Variants in DSEL observed in about 807,000 individuals in gnomAD.
The protein encoded by DSEL is dermatan sulfate epimerase like, also known as dermatan-sulfate epimerase-like protein.
DSEL carries 61 observed loss-of-function variants against 96.6 expected under a neutral mutation model. The observed-to-expected ratio is 0.63, with a 90% CI of 0.51 to 0.78. DSEL has a LOEUF of 0.78. DSEL is among the 30% of genes least tolerant of loss of function. The pLI is 0.00. For missense variants in DSEL, 1,320 were observed against 1,430.8 expected, an observed-to-expected ratio of 0.92 and a Z score of 1.25; for synonymous variants, 514 against 502.0, an observed-to-expected ratio of 1.02 and a Z score of -0.32.
At position 67,514,261 on chromosome 18, in the gene DSEL, C is replaced by G; in HGVS notation, c.348G>C (p.Lys116Asn). Reference protein sequence around the residue: ...PPPKHADFAAKWNEIYGNNLP... With the variant: ...PPPKHADFAANWNEIYGNNLP... ...GATTGTTACCATAAATTTCATTCCA[C>G]TTGGCAGCAAAATCAGCATGCTTTG... Residue 116 changes from lysine (K) to asparagine (N), a missense_variant, in exon 2 of 2, where the codon AAG becomes AAC. By Grantham distance (94) the Lys-to-Asn change is moderately conservative (BLOSUM62 0). Around this residue, in one of 3 missense-constraint regions of DSEL, gnomAD observed 323 missense variants for 333.1 expected, o/e 0.97. Coordinates refer to ENST00000310045, the MANE Select transcript of DSEL (RefSeq NM_032160.3). 1 of 1,614,180 alleles carries G rather than the reference C, an allele frequency of 6.2e-7. No individual in the cohort carries two copies. The highest frequency in any genetic ancestry group is 8.5e-7 in the Non-Finnish European group (1 of 1,180,018).
Position 67,514,234 on chromosome 18 carries a change from C to A in DSEL, c.375G>T (p.Leu125=), listed in dbSNP as rs764847177. 6.2e-7 allele frequency: 1 copy of A among 1,614,140 alleles called. No homozygotes were observed. The highest frequency in any genetic ancestry group is 1.1e-5 in the South Asian group (1 of 91,074). ...AKWNEIYGNN[L]PPLALYCLLC... Reference sequence around the variant, plus strand: ...ACAAACAGTACAATGCTAAAGGAGGCAGATTGTTACCATAAATTTCATTCC... The same window carrying A: ...ACAAACAGTACAATGCTAAAGGAGGAAGATTGTTACCATAAATTTCATTCC... Residue 125 remains leucine (L), a synonymous_variant, in exon 2 of 2, where the codon CTG becomes CTT. Transcript: ENST00000310045.
Position 67,512,629 on chromosome 18 carries a change from T to C in DSEL, c.1980A>G (p.Arg660=). ...EAEQAAEFKK[R]WTQFVNVTFQ... ...AAGTAACATTAACAAATTGAGTCCA[T>C]CGTTTTTTAAATTCAGCAGCTTGCT... The change falls in exon 2 of 2, where the codon CGA becomes CGG. Residue 660 remains arginine (R), a synonymous_variant. Transcript: ENST00000310045. The C allele has an allele frequency of 6.2e-7, 1 of 1,614,140 alleles. No homozygotes were observed. The highest frequency in any genetic ancestry group is 8.5e-7 in the Non-Finnish European group (1 of 1,180,020).
chr18:67,509,973 A>G lies in DSEL; in HGVS notation c.*997T>C, dbSNP rs1026914657. On this transcript the variant is annotated 3_prime_UTR_variant, in exon 2 of 2. Coordinates refer to ENST00000310045, the MANE Select transcript of DSEL (RefSeq NM_032160.3). The stretch of plus-strand genomic sequence containing the variant: ...GCAAGATAAGTCAGGCAGTTTTCCA[A>G]TTCTGTTTCCAGTTTAAAAAGACAC... The G allele has an allele frequency of 3.3e-5, 5 of 152,534 alleles. No individual in the cohort carries two copies. The highest frequency in any genetic ancestry group is 1.5e-5 in the Non-Finnish European group (1 of 68,038). 9.4% of individuals were successfully genotyped at this position (152,534 alleles called of 1,614,324 possible).
Position 67,514,354 on chromosome 18 carries a change from A to G in DSEL, c.255T>C (p.His85=), listed in dbSNP as rs780409668. The change falls in exon 2 of 2, where the codon CAT becomes CAC. Residue 85 remains histidine (H), a synonymous_variant. Coordinates refer to ENST00000310045, the MANE Select transcript of DSEL (RefSeq NM_032160.3). ...MRQKSRASHL[H]LFRAIRSAVT... ...CTGCACTTCTGATAGCTCTAAAAAG[A>G]TGCAAATGGCTTGCACGAGACTTTT... 1 of 1,614,212 alleles carries G rather than the reference A, an allele frequency of 6.2e-7. No individual in the cohort carries two copies. Among genetic ancestry groups the G allele is most frequent in the Non-Finnish European group, 8.5e-7 (1 of 1,180,028 alleles).
Position 67,510,272 on chromosome 18 carries a change from C to G in DSEL, c.*698G>C, listed in dbSNP as rs997566235. 2 of 152,096 alleles carry G rather than the reference C, an allele frequency of 1.3e-5. No individual in the cohort carries two copies. Among genetic ancestry groups the G allele is most frequent in the Non-Finnish European group, 2.9e-5 (2 of 68,024 alleles). The allele number at this position is 152,096 out of a possible 1,614,324, so 9.4% of individuals were successfully genotyped here. A position where few individuals can be genotyped will look rare whatever the true frequency, so the allele number is the denominator to read the frequency against. ...GACAATCATGTCTAAAATAATCTACCAGCCCTTGCCACCCAGATTGTTCAA... is the reference window on the plus strand; with the variant it reads ...GACAATCATGTCTAAAATAATCTACGAGCCCTTGCCACCCAGATTGTTCAA... On this transcript the variant is annotated 3_prime_UTR_variant, in exon 2 of 2. Transcript: ENST00000310045.
rs1302096787 is a variant in DSEL at position 67,511,893 on chromosome 18, A to G, written c.2716T>C (p.Trp906Arg). ...EIDSFVDACE[W>R]KVSDIRSGHF... ...CCACTGCGGATATCTGACACCTTCC[A>G]TTCACAAGCATCTACAAATGAGTCG... Residue 906 changes from tryptophan to arginine, a missense_variant, in exon 2 of 2, where the codon TGG (tryptophan) becomes CGG (arginine). Physicochemically the swap from Trp to Arg is moderately radical, Grantham distance 101 (BLOSUM62 -3). This residue lies in a region of DSEL where 986 missense variants were observed against 1,066.4 expected (regional missense o/e 0.92). Coordinates refer to ENST00000310045, the MANE Select transcript of DSEL (RefSeq NM_032160.3). The G allele has an allele frequency of 6.2e-7, 1 of 1,614,208 alleles. No homozygotes were observed. The highest frequency in any genetic ancestry group is 1.1e-5 in the South Asian group (1 of 91,086).
rs529129342 is a variant in DSEL, at chr18:67,512,381, C to G, written c.2228G>C (p.Gly743Ala). ...GCCCAAACCAAATCGGGTTATTTGG[C>G]CTTGATCAGCCACACTGGCAAAGCC... Reference protein sequence around the residue: ...FGGFASVADQGQITRFGLGTQ... With the variant: ...FGGFASVADQAQITRFGLGTQ... The change falls in exon 2 of 2, where the codon GGC (glycine) becomes GCC (alanine). Residue 743 changes from glycine (G) to alanine (A), a missense_variant. Coordinates refer to ENST00000310045, the MANE Select transcript of DSEL (RefSeq NM_032160.3). The G allele has an allele frequency of 6.2e-7, 1 of 1,614,184 alleles. No homozygotes were observed. Among genetic ancestry groups the G allele is most frequent in the East Asian group, 2.2e-5 (1 of 44,878 alleles).
rs549764717 is a variant in DSEL, at chr18:67,514,661, T to C, written c.-53A>G. The C allele has an allele frequency of 6.3e-7, 1 of 1,589,218 alleles. No homozygotes were observed. The highest frequency in any genetic ancestry group is 8.6e-7 in the Non-Finnish European group (1 of 1,166,222). On this transcript the variant is annotated 5_prime_UTR_variant, in exon 2 of 2. Coordinates refer to ENST00000310045, the MANE Select transcript of DSEL (RefSeq NM_032160.3). ...CATACATGTCAGATATGATGCTCAA[T>C]GTGTTTCCCATCTGGTTAGTATAAA...
rs753886265 is a variant in DSEL, at chr18:67,514,229, G to A, written c.380C>T (p.Pro127Leu). The change falls in exon 2 of 2, where the codon CCT (proline) becomes CTT (leucine). Residue 127 changes from proline to leucine, a missense_variant. Around this residue, in one of 3 missense-constraint regions of DSEL, gnomAD observed 323 missense variants for 333.1 expected, o/e 0.97. Coordinates refer to ENST00000310045, the MANE Select transcript of DSEL (RefSeq NM_032160.3). ...GCATAACAAACAGTACAATGCTAAA[G>A]GAGGCAGATTGTTACCATAAATTTC... ...WNEIYGNNLP[P>L]LALYCLLCPE... 17 of 1,614,040 alleles carry A rather than the reference G, an allele frequency of 1.1e-5. No individual in the cohort carries two copies. The Admixed American group carries it at 2.8e-4, about 27-fold the overall frequency.
At position 67,509,541 on chromosome 18, in the gene DSEL, A is replaced by C. The variant is rs536196241; in HGVS notation, c.*1429T>G. 6.6e-6 allele frequency: 1 copy of C among 152,338 alleles called. No homozygotes were observed. Among genetic ancestry groups the C allele is most frequent in the African/African-American group, 2.4e-5 (1 of 41,588 alleles). 9.4% of individuals were successfully genotyped at this position (152,338 alleles called of 1,614,324 possible). On this transcript the variant is annotated 3_prime_UTR_variant, in exon 2 of 2. Coordinates refer to ENST00000310045, the MANE Select transcript of DSEL (RefSeq NM_032160.3). ...GCCAAGTTAGGTTTAGCTGGAATCT[A>C]ACATATACAGAGCTTTATCACTCTG...
At position 67,510,983 on chromosome 18, in the gene DSEL, T is replaced by G. The variant is rs553108444; in HGVS notation, c.3626A>C (p.Lys1209Thr). The G allele has an allele frequency of 6.3e-7, 1 of 1,575,534 alleles. No homozygotes were observed. Among genetic ancestry groups the G allele is most frequent in the African/African-American group, 1.4e-5 (1 of 73,308 alleles). ...GACCTGCAGCATTTAGTCCATAAACTTTGGATATCCTAGGCGATCCATCAG... is the reference window on the plus strand; with the variant it reads ...GACCTGCAGCATTTAGTCCATAAACGTTGGATATCCTAGGCGATCCATCAG... ...WTLMDRLGYP[K>T]FMD Residue 1209 changes from lysine (K) to threonine (T), a missense_variant, in exon 2 of 2, where the codon AAG becomes ACG. Coordinates refer to ENST00000310045, the MANE Select transcript of DSEL (RefSeq NM_032160.3).
rs1218392690 is a variant in DSEL, at chr18:67,514,475, T to A, written c.134A>T (p.Gln45Leu). ...FTDDIDQFKT[Q>L]KVQDFRPNQK... Reference sequence around the variant, plus strand: ...GTTGGGTCTGAAATCTTGCACTTTCTGTGTTTTAAACTGATCTATATCATC... The same window carrying A: ...GTTGGGTCTGAAATCTTGCACTTTCAGTGTTTTAAACTGATCTATATCATC... The change falls in exon 2 of 2, where the codon CAG (glutamine) becomes CTG (leucine). Residue 45 changes from glutamine to leucine, a missense_variant. Physicochemically the swap from Gln to Leu is moderately radical, Grantham distance 113. Around this residue, in one of 3 missense-constraint regions of DSEL, gnomAD observed 323 missense variants for 333.1 expected, o/e 0.97. Coordinates refer to ENST00000310045, the MANE Select transcript of DSEL (RefSeq NM_032160.3). 6.2e-7 allele frequency: 1 copy of A among 1,614,188 alleles called. No homozygotes were observed. The highest frequency in any genetic ancestry group is 2.2e-5 in the East Asian group (1 of 44,890).
chr18:67,509,823 A>T lies in DSEL; in HGVS notation c.*1147T>A, dbSNP rs940369854. 5.2e-5 allele frequency: 8 copies of T among 152,584 alleles called. No individual in the cohort carries two copies. Among genetic ancestry groups the T allele is most frequent in the African/African-American group, 1.9e-4 (8 of 41,436 alleles). 9.5% of individuals were successfully genotyped at this position (152,584 alleles called of 1,614,324 possible). Reference sequence around the variant, plus strand: ...AGCCTACCAAAATAAAATAAACCACACTTTATGACGACTACATTTATAATA... The same window carrying T: ...AGCCTACCAAAATAAAATAAACCACTCTTTATGACGACTACATTTATAATA... On this transcript the variant is annotated 3_prime_UTR_variant, in exon 2 of 2. Coordinates refer to ENST00000310045, the MANE Select transcript of DSEL (RefSeq NM_032160.3).
rs9957313 is a variant in DSEL at position 67,507,465 on chromosome 18, T to C, written c.*3505A>G. The C allele has an allele frequency of 6.6e-6, 1 of 152,036 alleles. No homozygotes were observed. Among genetic ancestry groups the C allele is most frequent in the Admixed American group, 6.5e-5 (1 of 15,268 alleles). The allele number at this position is 152,036 out of a possible 1,614,324, so 9.4% of individuals were successfully genotyped here. On this transcript the variant is annotated 3_prime_UTR_variant, in exon 2 of 2. Coordinates refer to ENST00000310045, the MANE Select transcript of DSEL (RefSeq NM_032160.3). The stretch of plus-strand genomic sequence containing the variant: ...CAACAAATGAAAACGTTTCTATTTC[T>C]GATCAAAGTTAATCAAGCCAAACAA...
Position 67,508,375 on chromosome 18 carries a change from C to T in DSEL, c.*2595G>A, listed in dbSNP as rs1459513272. On this transcript the variant is annotated 3_prime_UTR_variant, in exon 2 of 2. Transcript: ENST00000310045. ...CCCAATGGATGTGTCACCCGCTCAC[C>T]CATACATAACATTCCTTACAGAACA... The T allele has an allele frequency of 3.3e-5, 5 of 152,202 alleles. No homozygotes were observed. The highest frequency in any genetic ancestry group is 2.6e-4 in the Admixed American group (4 of 15,282). The allele number at this position is 152,202 out of a possible 1,614,324, so 9.4% of individuals were successfully genotyped here.
rs752115159 is a variant in DSEL, at chr18:67,514,310, T to G, written c.299A>C (p.Asn100Thr). Residue 100 changes from asparagine to threonine, a missense_variant, in exon 2 of 2, where the codon AAC (asparagine) becomes ACC (threonine). Asn to Thr is a moderately conservative substitution (Grantham distance 65). Around this residue, in one of 3 missense-constraint regions of DSEL, gnomAD observed 323 missense variants for 333.1 expected, o/e 0.97. Transcript: ENST00000310045. ...TGGTGGAGGTAGGTAGTATGTTGGG[T>G]TGGACAGCATAACTGTCACTGCACT... Reference protein sequence around the residue: ...IRSAVTVMLSNPTYYLPPPKH... With the variant: ...IRSAVTVMLSTPTYYLPPPKH... The G allele has an allele frequency of 6.2e-7, 1 of 1,614,254 alleles. No homozygotes were observed. The highest frequency in any genetic ancestry group is 8.5e-7 in the Non-Finnish European group (1 of 1,180,038).
Position 67,509,698 on chromosome 18 carries a change from G to C in DSEL, c.*1272C>G, listed in dbSNP as rs1389740518. ...AACATCAGGAAGAAGACTGCAATCT[G>C]TACAGAGATTTTCATCAAGTCTCCA... On this transcript the variant is annotated 3_prime_UTR_variant, in exon 2 of 2. Coordinates refer to ENST00000310045, the MANE Select transcript of DSEL (RefSeq NM_032160.3). 1 of 152,396 alleles carries C rather than the reference G, an allele frequency of 6.6e-6. No individual in the cohort carries two copies. The highest frequency in any genetic ancestry group is 1.5e-5 in the Non-Finnish European group (1 of 68,024). The allele number at this position is 152,396 out of a possible 1,614,324, so 9.4% of individuals were successfully genotyped here.
chr18:67,514,809 C>A lies in DSEL; in HGVS notation c.-201G>T, dbSNP rs1598980401. ...AAAAGAGAAAACTTAAATTGTATAT[C>A]TCTGTCCCTGGCACAGTTTTGCTTC... is the stretch of plus-strand genomic sequence containing the variant. On this transcript the variant is annotated 5_prime_UTR_variant, in exon 2 of 2. Transcript: ENST00000310045. The A allele has an allele frequency of 1.7e-6, 1 of 588,572 alleles. No individual in the cohort carries two copies. Among genetic ancestry groups the A allele is most frequent in the East Asian group, 2.9e-5 (1 of 34,858 alleles). 36.5% of individuals were successfully genotyped at this position (588,572 alleles called of 1,614,324 possible).
Position 67,511,482 on chromosome 18 carries a change from T to C in DSEL, c.3127A>G (p.Asn1043Asp), listed in dbSNP as rs749114153. 3 of 1,611,928 alleles carry C rather than the reference T, an allele frequency of 1.9e-6. No homozygotes were observed. In the South Asian group the frequency reaches 3.3e-5, roughly 18 times the overall value. The change falls in exon 2 of 2, where the codon AAT (asparagine) becomes GAT (aspartate). Residue 1043 changes from asparagine to aspartate, a missense_variant. By Grantham distance (23) the Asn-to-Asp change is conservative. Coordinates refer to ENST00000310045, the MANE Select transcript of DSEL (RefSeq NM_032160.3). Reference protein sequence around the residue: ...PRAWIYSMLYNSKPSLYSLKN... With the variant: ...PRAWIYSMLYDSKPSLYSLKN... ...AAAGAATAAAGACTTGGTTTACTAT[T>C]GTACAACATTGAATAAATCCATGCC...
Sources: allele counts gnomAD v4.1 joint callset, GRCh38; gene constraint gnomAD v4.1.1; regional missense constraint gnomAD v4.1.1; transcripts MANE v1.5; gene names NCBI Gene and HGNC (gene_info 2026-07-23, HGNC 2026-07-21).